EIF3E: variants seen among roughly 807,000 people sequenced by gnomAD.
EIF3E encodes eIF-3 p48.
EIF3E carries 25 observed loss-of-function variants against 59.3 expected under a neutral mutation model. That is an observed-to-expected ratio of 0.42 (90% CI 0.31 to 0.59). The LOEUF (loss-of-function observed/expected upper bound fraction) is 0.59. Among genes scored for constraint, EIF3E ranks in the 20% least tolerant of loss-of-function variants. EIF3E has a pLI of 0.15. For missense variants in EIF3E, 317 were observed against 534.3 expected (o/e 0.59, Z 4.01); for synonymous variants, 176 against 170.2 (o/e 1.03, Z -0.26).
intron 3 of EIF3E, 93 bp from the exon 4 acceptor site, chr8:108,236,296 C>A: frequency 2.3e-6 from 2 of 866,766 alleles, no homozygotes; most frequent in South Asian, 1.7e-5. Flanking sequence ...TACGCAAAGT[C>A]ACCTTAAATA....
chr8:108,242,751 T>C (rs1488363656), intron 1 of EIF3E: 2 of 878,728 alleles, frequency 2.3e-6, no homozygotes, highest in Admixed American at 1.1e-4. Flanking sequence ...AGATAGGCAC[T>C]TCGCAAAAGA....
intron 10 of EIF3E, among the ~76,000 whole-genome samples, chr8:108,207,821 T>C (rs1197023659): frequency 1.3e-5 from 2 of 152,198 alleles, no homozygotes; most frequent in Admixed American, 1.3e-4. Flanking sequence ...AACAAATCTT[T>C]CATCCTCAGT....
At chr8:108,202,957 C>A (rs758630801) in intron 12 of EIF3E, 26 bp downstream of exon 12, 1 of 1,600,844 alleles carries the variant, frequency 6.2e-7, no homozygotes. Flanking sequence ...AAACCCCAGA[C>A]AGAATAGAAG....
intron 5 of EIF3E, among the ~76,000 whole-genome samples, chr8:108,232,453 C>T (rs1277604853): frequency 2.0e-5 from 3 of 151,972 alleles, no homozygotes. Context: ...TTGTTAGGGG[C>T]AATGCAAAAG....
chr8:108,206,773 A>C (rs1815111151), intron 10 of EIF3E, among the ~76,000 whole-genome samples: 1 of 152,156 alleles, frequency 6.6e-6, no homozygotes, highest in South Asian at 2.1e-4. Flanking sequence ...ACTGTACTCC[A>C]GCTTGGGTGA....
chr8:108,208,409 G>T (rs1022372777), intron 10 of EIF3E, among the ~76,000 whole-genome samples: 2 of 152,120 alleles, frequency 1.3e-5, no homozygotes, highest in Admixed American at 6.6e-5. Context: ...TAAAGAATCA[G>T]TGTTAAGTGT....
chr8:108,245,283 T>C (rs184585313), intron 1 of EIF3E, among the ~76,000 whole-genome samples: 1 of 152,016 alleles, frequency 6.6e-6, no homozygotes, highest in Non-Finnish European at 1.5e-5. Context: ...CTGGGTAACA[T>C]GGTGAAACCC....
chr8:108,226,188 ATTCTTT>A (rs1325281384), intron 7 of EIF3E: 1 of 140,050 alleles, frequency 7.1e-6, no homozygotes, highest in Non-Finnish European at 1.5e-5. Context: ...ACATTCAATA[ATTCTTT>A]TTTTTTTTTT....
intron 10 of EIF3E, among the ~76,000 whole-genome samples, chr8:108,207,871 G>C (rs1815131782): frequency 6.6e-6 from 1 of 152,058 alleles, no homozygotes; most frequent in Non-Finnish European, 1.5e-5. Flanking sequence ...AGCACAAAAT[G>C]AAATACTTTG....
chr8:108,241,965 CTGAT>C, intron 1 of EIF3E, 52 bp from the exon 2 acceptor site: 1 of 1,282,784 alleles, frequency 7.8e-7, no homozygotes, highest in African/African-American at 1.5e-5. Context: ...CCCAAATAAA[CTGAT>C]TAATACTAAA....
chr8:108,202,041 C>G (rs1222170461), intron 12 of EIF3E, 118 bp from the exon 13 acceptor site: 1 of 899,280 alleles, frequency 1.1e-6, no homozygotes, highest in Non-Finnish European at 1.6e-6. Context: ...CCAAACCATT[C>G]TAAGATCTTA....
chr8:108,207,105 T>C (rs1815115828), intron 10 of EIF3E, among the ~76,000 whole-genome samples: 2 of 152,212 alleles, frequency 1.3e-5, no homozygotes, highest in South Asian at 2.1e-4. Context: ...TCTCAGTTTA[T>C]CTAAGCTGCT....
At chr8:108,242,140 T>C (rs996017703) in intron 1 of EIF3E, 3 of 1,400,048 alleles carry the variant, frequency 2.1e-6, no homozygotes, top group African/African-American at 1.4e-5. Flanking sequence ...AGAGAATTAC[T>C]GTAGACATTC....
At chr8:108,234,766 T>C in intron 5 of EIF3E, 1 of 314,960 alleles carries the variant, frequency 3.2e-6, no homozygotes, top group Non-Finnish European at 5.7e-6. Flanking sequence ...TTGTTCCTAC[T>C]TTTGGATTTC....
intron 7 of EIF3E, among the ~76,000 whole-genome samples, chr8:108,218,029 C>T (rs1427369775): frequency 6.6e-6 from 1 of 152,152 alleles, no homozygotes; most frequent in African/African-American, 2.4e-5. Flanking sequence ...GCAAATCTTG[C>T]TGTTGTGATG....
Position 108,236,915 on chromosome 8 carries a change from G to A in EIF3E, c.324-712C>T, listed in dbSNP as rs945357303. On this transcript the variant is annotated intron_variant, in intron 3 of 12. Coordinates refer to ENST00000220849, the MANE Select transcript of EIF3E (RefSeq NM_001568.3). ...CGGGTGCCTGTAATCCCAGCTACTT[G>A]GGAGGCTGAGGCAGGAGAATCGCTT... Among the ~76,000 whole-genome samples the A allele has an allele frequency of 1.1e-4, 17 of 152,096 alleles. No homozygotes were observed. The South Asian group carries it at 2.1e-3, about 19-fold the overall frequency.
chr8:108,202,942 T>A, intron 12 of EIF3E, 41 bp downstream of exon 12: 1 of 1,574,452 alleles, frequency 6.4e-7, no homozygotes, highest in Non-Finnish European at 8.6e-7. Flanking sequence ...AATTACATGG[T>A]TGCTAAACCC....
rs545018458 is a variant in EIF3E at position 108,217,272 on chromosome 8, AAG to A, written c.849+60_849+61del. The A allele has an allele frequency of 1.4e-4, 181 of 1,289,898 alleles. No homozygotes were observed. The East Asian group carries it at 4.4e-3, about 31-fold the overall frequency. The allele number at this position is 1,289,898 out of a possible 1,614,324, so 79.9% of individuals were successfully genotyped here. A position where few individuals can be genotyped will look rare whatever the true frequency, so the allele number is the denominator to read the frequency against. ...TAAGAACTAAGTCTTACCTTAGAAAAAGAGGTTAGACCTAAAGCTTAGGTATT... is the reference window on the plus strand; with the variant it reads ...TAAGAACTAAGTCTTACCTTAGAAAAAGGTTAGACCTAAAGCTTAGGTATT... On this transcript the variant is annotated intron_variant, in intron 8 of 12. Transcript: ENST00000220849.
chr8:108,215,141 G>C (rs975625276), intron 9 of EIF3E, among the ~76,000 whole-genome samples: 2 of 152,144 alleles, frequency 1.3e-5, no homozygotes, highest in Non-Finnish European at 2.9e-5. Context: ...GTGTAATTAA[G>C]AGAGAATATT....
Sources: allele counts gnomAD v4.1 joint callset (sites outside exome capture counted in the v4.1 genomes callset), GRCh38; gene constraint gnomAD v4.1.1; transcripts MANE v1.5; gene names NCBI Gene and HGNC (gene_info 2026-07-23, HGNC 2026-07-21).